The following NREP variants were observed in gnomAD, a reference collection of about 807,000 sequenced individuals.
The protein encoded by NREP is neuronal regeneration-related protein.
In NREP, 5 loss-of-function variants were observed where a neutral mutation model predicts 8.6. That is an observed-to-expected ratio of 0.58 (90% confidence interval 0.30 to 1.22). The LOEUF is 1.22. NREP is among the 50% of genes most tolerant of loss of function. NREP has a pLI of 0.07. For synonymous variants in NREP, 27 were observed against 28.0 expected, an observed-to-expected ratio of 0.96 and a Z score of 0.11; for missense variants, 86 against 82.5, an observed-to-expected ratio of 1.04 and a Z score of -0.17.
intron 2 of NREP, among the ~76,000 whole-genome samples, chr5:111,747,695 G>A (rs545674937): frequency 6.6e-6 from 1 of 152,184 alleles, no homozygotes; most frequent in Admixed American, 6.5e-5. Context: ...TCAGTGAAAA[G>A]GGGCAGACAG....
chr5:111,860,897 C>G (rs1350705608), intron 2 of NREP, among the ~76,000 whole-genome samples: 1 of 152,090 alleles, frequency 6.6e-6, no homozygotes, highest in East Asian at 1.9e-4. Context: ...GCTCATAAAA[C>G]ATTTCAACAA....
intron 2 of NREP, among the ~76,000 whole-genome samples, chr5:111,845,467 T>C (rs1647736935): frequency 6.6e-6 from 1 of 152,192 alleles, no homozygotes; most frequent in African/African-American, 2.4e-5. Flanking sequence ...GTTACTTTCA[T>C]AATTGAGATT....
At chr5:111,839,933 T>G (rs986851327) in intron 2 of NREP, among the ~76,000 whole-genome samples, 1 of 152,048 alleles carries the variant, frequency 6.6e-6, no homozygotes, top group Non-Finnish European at 1.5e-5. Context: ...TGGCAGACAC[T>G]TGGAAGACAC....
At chr5:111,959,532 A>G (rs1756424700) in intron 2 of NREP, among the ~76,000 whole-genome samples, 1 of 151,864 alleles carries the variant, frequency 6.6e-6, no homozygotes, top group Admixed American at 6.5e-5. Flanking sequence ...GAGCGTTTAG[A>G]TTAGATATAA....
chr5:111,750,465 T>C (rs1257977666), intron 2 of NREP, among the ~76,000 whole-genome samples: 1 of 152,176 alleles, frequency 6.6e-6, no homozygotes, highest in Non-Finnish European at 1.5e-5. Flanking sequence ...AGCTGAATAA[T>C]AACGAGTGTC....
rs181622766 is a variant in NREP at position 111,847,812 on chromosome 5, T to C, written c.136-112305A>G. On this transcript the variant is annotated intron_variant, in intron 2 of 3. Coordinates refer to the NREP transcript ENST00000395634. ...AGACACACAGTTAACTATATACAAATATAATTCAAAGTTTTTATTCATATC... is the reference window on the plus strand; with the variant it reads ...AGACACACAGTTAACTATATACAAACATAATTCAAAGTTTTTATTCATATC... Among the ~76,000 whole-genome samples, 175 of 152,310 alleles carry C rather than the reference T, an allele frequency of 1.1e-3. 1 individual carries two copies. Among genetic ancestry groups the C allele is most frequent in the Non-Finnish European group, 2.0e-3 (133 of 68,018 alleles).
At chr5:111,835,139 A>G (rs1752862977) in intron 2 of NREP, among the ~76,000 whole-genome samples, 1 of 152,126 alleles carries the variant, frequency 6.6e-6, no homozygotes, top group South Asian at 2.1e-4. Context: ...TTGATTTCCT[A>G]TTCAATACAT....
chr5:111,817,027 A>C (rs1752399728), intron 2 of NREP, among the ~76,000 whole-genome samples: 1 of 152,112 alleles, frequency 6.6e-6, no homozygotes, highest in Non-Finnish European at 1.5e-5. Flanking sequence ...TCCTATAACT[A>C]GTTGATGTGC....
chr5:111,901,682 A>G (rs988484981), intron 2 of NREP, among the ~76,000 whole-genome samples: 2 of 152,110 alleles, frequency 1.3e-5, no homozygotes, highest in Non-Finnish European at 2.9e-5. Context: ...AACTAGCTGA[A>G]AAAGAAACCC....
At chr5:111,815,208 C>G (rs990995229) in intron 2 of NREP, among the ~76,000 whole-genome samples, 1 of 152,078 alleles carries the variant, frequency 6.6e-6, no homozygotes, top group South Asian at 2.1e-4. Context: ...AAAGGATATG[C>G]CTGGTAAATA....
intron 2 of NREP, among the ~76,000 whole-genome samples, chr5:111,821,075 A>T (rs1337419379): frequency 6.6e-6 from 1 of 152,192 alleles, no homozygotes; most frequent in Non-Finnish European, 1.5e-5. Context: ...GTGCATTCTG[A>T]TATATAATTA....
chr5:111,739,992 T>G (rs1012165683), intron 2 of NREP, among the ~76,000 whole-genome samples: 1 of 151,610 alleles, frequency 6.6e-6, no homozygotes. Flanking sequence ...CCTTCAACAA[T>G]TGAGAAAACA....
At chr5:111,818,778 G>C (rs1274984376) in intron 2 of NREP, among the ~76,000 whole-genome samples, 4 of 151,962 alleles carry the variant, frequency 2.6e-5, no homozygotes, top group African/African-American at 9.7e-5. Flanking sequence ...TGATTGTAGT[G>C]GTAAGGATAA....
upstream of NREP, among the ~76,000 whole-genome samples, chr5:111,761,143 G>C (rs761382811): frequency 3.3e-5 from 5 of 152,174 alleles, no homozygotes; most frequent in African/African-American, 7.2e-5. Context: ...CCAAATTGTT[G>C]TATTATGTGA....
At chr5:111,959,015 GA>G (rs201055791) in intron 2 of NREP, among the ~76,000 whole-genome samples, 1,866 of 149,858 alleles carry the variant, frequency 0.012, 34 homozygotes, top group African/African-American at 0.042. Flanking sequence ...TTTTCAGAAA[GA>G]AAAAAAAATT....
At chr5:111,865,569 T>C (rs1175623949) in intron 2 of NREP, among the ~76,000 whole-genome samples, 1 of 152,174 alleles carries the variant, frequency 6.6e-6, no homozygotes, top group East Asian at 1.9e-4. Flanking sequence ...CATGACATTA[T>C]GATGGCACTA....
At chr5:111,836,538 G>A (rs1040019596) in intron 2 of NREP, among the ~76,000 whole-genome samples, 1 of 152,032 alleles carries the variant, frequency 6.6e-6, no homozygotes, top group African/African-American at 2.4e-5. Flanking sequence ...ATCAATATTA[G>A]TGGTATTTAT....
chr5:111,803,868 G>A (rs927698026), intron 2 of NREP, among the ~76,000 whole-genome samples: 1 of 152,162 alleles, frequency 6.6e-6, no homozygotes, highest in African/African-American at 2.4e-5. Context: ...CCTCCTCAGT[G>A]ACACAAAAGT....
intron 2 of NREP, among the ~76,000 whole-genome samples, chr5:111,840,071 T>C (rs1011431560): frequency 6.6e-5 from 10 of 152,126 alleles, no homozygotes; most frequent in Non-Finnish European, 1.2e-4. Flanking sequence ...GATTTAAGTA[T>C]AATGACATAA....
Sources: allele counts gnomAD v4.1 joint callset (sites outside exome capture counted in the v4.1 genomes callset), GRCh38; gene constraint gnomAD v4.1.1; transcripts MANE v1.5; gene names NCBI Gene and HGNC (gene_info 2026-07-23, HGNC 2026-07-21).